NBN: variants seen among roughly 807,000 people sequenced by gnomAD.
NBN encodes the protein nibrin, also known as Nijmegen breakage syndrome 1 (nibrin).
A neutral mutation model predicts 90.8 loss-of-function variants in NBN; 88 were observed. The ratio of observed to expected loss-of-function variants is 0.97; its 90% CI spans 0.82 to 1.16. NBN has a LOEUF of 1.16. NBN is among the 50% of genes most tolerant of loss of function. The probability of loss-of-function intolerance (pLI) is 0.00; values close to 1 mark genes in which losing one functional copy is unlikely to be tolerated. For synonymous variants in NBN, 328 were observed against 295.1 expected (o/e 1.11, Z -1.14); for missense variants, 894 against 869.6 (o/e 1.03, Z -0.35).
chr8:89,951,353 A>G (rs1366154270), intron 11 of NBN, among the ~76,000 whole-genome samples: 1 of 151,358 alleles, frequency 6.6e-6, no homozygotes, highest in African/African-American at 2.4e-5. Flanking sequence ...GTACTAGGAC[A>G]AGAAGACTAA....
Position 89,984,589 on chromosome 8 carries a change from A to C in NBN, c.-28T>G, listed in dbSNP as rs909740770. 1 of 1,611,982 alleles carries C rather than the reference A, an allele frequency of 6.2e-7. No homozygotes were observed. Among genetic ancestry groups the C allele is most frequent in the South Asian group, 1.1e-5 (1 of 90,884 alleles). On this transcript the variant is annotated 5_prime_UTR_variant, in exon 1 of 16. Transcript: ENST00000265433. ...GTCCGGCTCCTCAGGGCTGGGGCCGACGTGCAACCGCGTAACCGGGGCTGC... is the reference window on the plus strand; with the variant it reads ...GTCCGGCTCCTCAGGGCTGGGGCCGCCGTGCAACCGCGTAACCGGGGCTGC...
chr8:89,936,130 T>C (rs1002675653), intron 15 of NBN: 3 of 342,396 alleles, frequency 8.8e-6, no homozygotes, highest in Middle Eastern at 6.7e-4. Flanking sequence ...CTCTCTGGAG[T>C]GCAGTGGCGC....
chr8:89,970,204 G>A (rs1194207939), intron 7 of NBN, among the ~76,000 whole-genome samples, 160 bp downstream of exon 7: 7 of 151,958 alleles, frequency 4.6e-5, no homozygotes, highest in African/African-American at 1.2e-4. Flanking sequence ...AGCCGAGATC[G>A]TGCCACTGCA....
Position 89,958,873 on chromosome 8 carries a change from G to A in NBN, c.995-19C>T. Reference sequence around the variant, plus strand: ...TTTAATCCTGTAAATCACACAAGTAGAAAGAAAGAATCACAACTGCTAGAT... The same window carrying A: ...TTTAATCCTGTAAATCACACAAGTAAAAAGAAAGAATCACAACTGCTAGAT... On this transcript the variant is annotated intron_variant, in intron 8 of 15. Transcript: ENST00000265433. 1 of 1,612,804 alleles carries A rather than the reference G, an allele frequency of 6.2e-7. No individual in the cohort carries two copies. The highest frequency in any genetic ancestry group is 1.1e-5 in the South Asian group (1 of 91,060).
chr8:89,956,923 A>G (rs1810740602), intron 9 of NBN, among the ~76,000 whole-genome samples: 1 of 152,224 alleles, frequency 6.6e-6, no homozygotes, highest in South Asian at 2.1e-4. Context: ...CAACCTATTA[A>G]GTGTCTATGG....
intron 14 of NBN, among the ~76,000 whole-genome samples, chr8:89,939,175 T>C (rs1318112888): frequency 6.6e-6 from 1 of 151,994 alleles, no homozygotes; most frequent in African/African-American, 2.4e-5. Flanking sequence ...TCAAGACTGG[T>C]GGGTCTGCAG....
chr8:89,977,646 C>T (rs1025609506), intron 5 of NBN, among the ~76,000 whole-genome samples: 4 of 152,164 alleles, frequency 2.6e-5, no homozygotes, highest in Admixed American at 2.6e-4. Context: ...TAAGGAATCA[C>T]CACACTGTCT....
At chr8:89,950,121 C>G (rs1172538251) in intron 11 of NBN, among the ~76,000 whole-genome samples, 1 of 152,094 alleles carries the variant, frequency 6.6e-6, no homozygotes. Context: ...ACATTGAAAA[C>G]AGAAATACTT....
At chr8:89,963,213 T>C (rs1254748449) in intron 8 of NBN, among the ~76,000 whole-genome samples, 1 of 152,164 alleles carries the variant, frequency 6.6e-6, no homozygotes. Flanking sequence ...TTCCAAAATT[T>C]AGCTTAGCAC....
intron 8 of NBN, 36 bp from the exon 9 acceptor site, chr8:89,958,890 C>T (rs748728611): frequency 3.7e-5 from 59 of 1,610,654 alleles, no homozygotes; most frequent in Non-Finnish European, 4.6e-5. Flanking sequence ...AGAATCACAA[C>T]TGCTAGATAG....
chr8:89,984,653 C>A lies in NBN; in HGVS notation c.-92G>T. 6.4e-7 allele frequency: 1 copy of A among 1,563,556 alleles called. No homozygotes were observed. ...ATACGGCGCCTGCGGTCGGCATGGG[C>A]TCCGGGACGTGCGCGCTCCCGGGAG... is the stretch of plus-strand genomic sequence containing the variant. On this transcript the variant is annotated 5_prime_UTR_variant, in exon 1 of 16. Coordinates refer to ENST00000265433, the MANE Select transcript of NBN (RefSeq NM_002485.5).
intron 8 of NBN, among the ~76,000 whole-genome samples, chr8:89,963,521 G>C (rs1811094817): frequency 6.6e-6 from 1 of 152,048 alleles, no homozygotes; most frequent in African/African-American, 2.4e-5. Context: ...AGGTAAAAAA[G>C]CAAGAAGAAA....
In NBN at chr8:89,953,699, T is replaced by C; in HGVS notation, c.1398-8A>G. ...TTTTCTTCATCCCTTTCCCTTAGAT[T>C]TAAAAAAAAAGAAGAAAACAAAACA... On this transcript the variant is annotated splice_polypyrimidine_tract_variant and splice_region_variant and intron_variant, in intron 10 of 15. Coordinates refer to ENST00000265433, the MANE Select transcript of NBN (RefSeq NM_002485.5). 1 of 1,599,280 alleles carries C rather than the reference T, an allele frequency of 6.3e-7. No individual in the cohort carries two copies. The highest frequency in any genetic ancestry group is 8.5e-7 in the Non-Finnish European group (1 of 1,172,978).
intron 1 of NBN, 66 bp downstream of exon 1, chr8:89,984,459 G>C (rs2129937101): frequency 6.8e-7 from 1 of 1,470,982 alleles, no homozygotes; most frequent in Non-Finnish European, 9.5e-7. Flanking sequence ...GGAATCACCC[G>C]CAGGCCCTCC....
chr8:89,946,347 A>C (rs1477466851), intron 12 of NBN, 52 bp from the exon 13 acceptor site: 1 of 1,472,762 alleles, frequency 6.8e-7, no homozygotes, highest in East Asian at 2.3e-5. Flanking sequence ...TAACAAAGAA[A>C]AGTCACTTGT....
intron 14 of NBN, among the ~76,000 whole-genome samples, chr8:89,939,797 A>G (rs1809857863): frequency 1.3e-5 from 2 of 152,350 alleles, no homozygotes; most frequent in Non-Finnish European, 1.5e-5. Flanking sequence ...GACACTGACC[A>G]AACACATAGG....
intron 4 of NBN, among the ~76,000 whole-genome samples, chr8:89,979,913 T>C (rs189534607): frequency 6.6e-6 from 1 of 152,348 alleles, no homozygotes; most frequent in Admixed American, 6.5e-5. Context: ...TCTTAAGTAA[T>C]ATCTTAAAGA....
Position 89,955,657 on chromosome 8 carries a change from A to G in NBN, c.1125-102T>C, listed in dbSNP as rs186357718. ...TAGTTCTAACGTAATATAACCTTAG[A>G]AGATAATTTTTAGACAAAAATACAC... On this transcript the variant is annotated intron_variant, in intron 9 of 15. Transcript: ENST00000265433. The G allele has an allele frequency of 2.3e-3, 3,066 of 1,322,780 alleles. 7 individuals carry two copies. Among genetic ancestry groups the G allele is most frequent in the Non-Finnish European group, 2.8e-3 (2,755 of 972,124 alleles). 81.9% of individuals were successfully genotyped at this position (1,322,780 alleles called of 1,614,324 possible). A position where few individuals can be genotyped will look rare whatever the true frequency, so the allele number is the denominator to read the frequency against.
chr8:89,964,598 TC>T (rs1811159117), intron 7 of NBN, 91 bp from the exon 8 acceptor site: 1 of 1,278,582 alleles, frequency 7.8e-7, no homozygotes, highest in African/African-American at 1.5e-5. Context: ...CTCTTTTTTT[TC>T]CTCCCAAATA....
Sources: allele counts gnomAD v4.1 joint callset (sites outside exome capture counted in the v4.1 genomes callset), GRCh38; gene constraint gnomAD v4.1.1; transcripts MANE v1.5; gene names NCBI Gene and HGNC (gene_info 2026-07-23, HGNC 2026-07-21).